The following KCMF1 variants were observed in gnomAD, a reference collection of about 807,000 sequenced individuals.
The protein encoded by KCMF1 is E3 ubiquitin-protein ligase KCMF1.
A neutral mutation model predicts 41.1 loss-of-function variants in KCMF1; 3 were observed. The ratio of observed to expected loss-of-function variants is 0.07; its 90% CI spans 0.03 to 0.19. The LOEUF (loss-of-function observed/expected upper bound fraction) is 0.19. Ranked by LOEUF, KCMF1 falls within the 10% of genes least tolerant of loss-of-function variation. KCMF1 has a pLI of 1.00. For missense variants in KCMF1, 286 were observed against 488.9 expected, an observed-to-expected ratio of 0.58 and a Z score of 3.91; for synonymous variants, 142 against 164.5, an observed-to-expected ratio of 0.86 and a Z score of 1.04.
intron 1 of KCMF1, among the ~76,000 whole-genome samples, chr2:85,027,655 C>T (rs1675145950): frequency 2.0e-5 from 3 of 151,982 alleles, no homozygotes; most frequent in Admixed American, 1.3e-4. Context: ...AGATTACAGG[C>T]GTGAGCCACT....
chr2:85,046,381 GC>G, intron 5 of KCMF1, 103 bp downstream of exon 5: 15 of 849,262 alleles, frequency 1.8e-5, no homozygotes, highest in South Asian at 3.6e-5. Context: ...TTTAATCCCA[GC>G]ACTCTGGGAG....
chr2:85,016,839 G>A (rs1451852039), intron 1 of KCMF1, among the ~76,000 whole-genome samples: 2 of 151,548 alleles, frequency 1.3e-5, no homozygotes, highest in African/African-American at 2.4e-5. Flanking sequence ...ACAGGCACCC[G>A]CCATCACACC....
intron 1 of KCMF1, among the ~76,000 whole-genome samples, chr2:84,972,443 A>AG (rs1016019393): frequency 2.6e-5 from 4 of 152,192 alleles, no homozygotes; most frequent in South Asian, 4.1e-4. Context: ...TTAGAAAAGG[A>AG]GGAGGGGGTT....
At chr2:85,014,699 T>G in intron 1 of KCMF1, among the ~76,000 whole-genome samples, 1 of 147,594 alleles carries the variant, frequency 6.8e-6, no homozygotes, top group African/African-American at 2.6e-5. Context: ...ATGGAAATAC[T>G]GGCGCGCGCG....
At chr2:84,972,621 A>C (rs1673429985) in intron 1 of KCMF1, among the ~76,000 whole-genome samples, 1 of 152,210 alleles carries the variant, frequency 6.6e-6, no homozygotes, top group African/African-American at 2.4e-5. Flanking sequence ...GAGAAAGTTT[A>C]GTGAGTCAGT....
intron 3 of KCMF1, among the ~76,000 whole-genome samples, chr2:85,040,140 AT>A: frequency 6.6e-6 from 1 of 152,180 alleles, no homozygotes; most frequent in East Asian, 1.9e-4. Flanking sequence ...TCTTAGCCAA[AT>A]TAAAGAAATA....
At chr2:85,000,932 C>T (rs1272535209) in intron 1 of KCMF1, among the ~76,000 whole-genome samples, 1 of 151,012 alleles carries the variant, frequency 6.6e-6, no homozygotes, top group Admixed American at 6.6e-5. Flanking sequence ...ATAAGTGCCG[C>T]CATGCCCAGC....
In KCMF1 at chr2:85,008,264, A is replaced by G. The variant is rs528121955; in HGVS notation, c.17-19625A>G. 5.6e-5 allele frequency among the ~76,000 whole-genome samples: 6 copies of G among 106,978 alleles called. 1 individual carries two copies. The highest frequency in any genetic ancestry group is 2.2e-4 in the African/African-American group (6 of 27,844). The allele number at this position is 106,978 out of a possible 152,430, so 70.2% of individuals were successfully genotyped here. ...TTATATATGATATATATTATATATC[A>G]TATATAATATATAATATGATATATA... On this transcript the variant is annotated intron_variant, in intron 1 of 6. Transcript: ENST00000409785.
chr2:85,027,366 CTTTTTTTTTTTT>C (rs934531367), intron 1 of KCMF1, among the ~76,000 whole-genome samples: 5 of 65,738 alleles, frequency 7.6e-5, no homozygotes, highest in Admixed American at 1.8e-4. Flanking sequence ...CTTATCAAGG[CTTTTTTTTTTTT>C]TTTTTTTTTT....
At chr2:85,024,587 T>TGTGTGTGTGTGTGTGTGTGC (rs1675043123) in intron 1 of KCMF1, among the ~76,000 whole-genome samples, 1 of 145,252 alleles carries the variant, frequency 6.9e-6, no homozygotes, top group African/African-American at 2.5e-5. Context: ...AGAGAGAGTG[T>TGTGTGTGTGTGTGTGTGTGC]GTGTGTGTGT....
intron 1 of KCMF1, among the ~76,000 whole-genome samples, chr2:85,013,651 A>AGCCAG (rs1353913575): frequency 2.0e-5 from 3 of 152,062 alleles, no homozygotes; most frequent in African/African-American, 7.2e-5. Flanking sequence ...TACAAAAATT[A>AGCCAG]GCCAGGCATG....
At chr2:84,993,352 G>A (rs1364084401) in intron 1 of KCMF1, among the ~76,000 whole-genome samples, 1 of 152,104 alleles carries the variant, frequency 6.6e-6, no homozygotes, top group Non-Finnish European at 1.5e-5. Context: ...CGACTGAGTA[G>A]CTCACAGAGT....
At chr2:85,026,435 C>A (rs1355378558) in intron 1 of KCMF1, among the ~76,000 whole-genome samples, 2 of 149,022 alleles carry the variant, frequency 1.3e-5, no homozygotes, top group Non-Finnish European at 3.0e-5. Flanking sequence ...TGGCACCCAG[C>A]CCTGTTCAAG....
chr2:85,044,705 G>A (rs994650916), intron 4 of KCMF1, among the ~76,000 whole-genome samples: 2 of 152,088 alleles, frequency 1.3e-5, no homozygotes, highest in African/African-American at 4.8e-5. Context: ...TTTTAGTAGA[G>A]ATGGGGTTTC....
At chr2:85,003,200 G>A (rs1439778343) in intron 1 of KCMF1, among the ~76,000 whole-genome samples, 5 of 152,276 alleles carry the variant, frequency 3.3e-5, no homozygotes, top group East Asian at 1.9e-4. Context: ...TTGGCCGGGC[G>A]CGGTGGCTCA....
intron 1 of KCMF1, among the ~76,000 whole-genome samples, chr2:84,975,115 G>A (rs1215949881): frequency 6.6e-6 from 1 of 152,092 alleles, no homozygotes; most frequent in Non-Finnish European, 1.5e-5. Context: ...ATAAAAGCTG[G>A]TGGTGGACCG....
At position 84,986,951 on chromosome 2, in the gene KCMF1, GT is replaced by G. The variant is rs144479219; in HGVS notation, c.16+15487del. 2.3e-3 allele frequency among the ~76,000 whole-genome samples: 348 copies of G among 152,292 alleles called. 3 individuals are homozygous for G. The highest frequency in any genetic ancestry group is 8.1e-3 in the African/African-American group (335 of 41,566). ...GGTGAAGTGGGACAGGGACTTATTTGTTTAGACTTGGGTTCAATGCTAGTAG... is the reference window on the plus strand; with the variant it reads ...GGTGAAGTGGGACAGGGACTTATTTGTTAGACTTGGGTTCAATGCTAGTAG... On this transcript the variant is annotated intron_variant, in intron 1 of 6. Transcript: ENST00000409785.
intron 1 of KCMF1, 138 bp from the exon 2 acceptor site, chr2:85,027,749 TCC>T (rs1392030286): frequency 1.7e-6 from 1 of 603,170 alleles, no homozygotes; most frequent in African/African-American, 1.9e-5. Flanking sequence ...GGCTAAAACT[TCC>T]CGTATCATTT....
At chr2:85,050,833 G>T (rs952835384) in intron 6 of KCMF1, among the ~76,000 whole-genome samples, 2 of 152,252 alleles carry the variant, frequency 1.3e-5, no homozygotes, top group African/African-American at 4.8e-5. Context: ...AGTGGTGCAT[G>T]TGTATAGTTA....
Sources: gnomAD v4.1 joint callset for allele counts (sites outside exome capture counted in the v4.1 genomes callset) on GRCh38, gnomAD v4.1.1 for gene constraint, MANE v1.5 for transcripts, NCBI Gene and HGNC (gene_info 2026-07-23, HGNC 2026-07-21) for gene names.